The following COL6A1 variants were observed in gnomAD, a reference collection of about 807,000 sequenced individuals.
COL6A1 encodes the protein collagen type VI alpha 1 chain.
Under a neutral mutation model 145.6 loss-of-function variants are expected in COL6A1, and 80 were observed. The observed-to-expected ratio is 0.55, with a 90% CI of 0.46 to 0.66. COL6A1 has a LOEUF of 0.66. Ranked by LOEUF, COL6A1 falls within the 30% of genes least tolerant of loss-of-function variation. COL6A1 has a pLI of 0.00. For missense variants in COL6A1, 1,364 were observed against 1,473.8 expected (o/e 0.93, Z 1.22); for synonymous variants, 638 against 622.8 (o/e 1.02, Z -0.36).
chr21:45,990,504 AGGTGACCC>A, intron 13 of COL6A1, 82 bp downstream of exon 13: 1 of 677,536 alleles, frequency 1.5e-6, no homozygotes, highest in Non-Finnish European at 2.1e-6. Flanking sequence ...GACGGCGTGA[AGGTGACCC>A]GGGGAGGGAT....
chr21:46,000,182 G>C (rs1219736701), intron 27 of COL6A1, 149 bp from the exon 28 acceptor site: 27 of 851,808 alleles, frequency 3.2e-5, no homozygotes, highest in Non-Finnish European at 2.0e-6. Context: ...GGGTGTAGTG[G>C]GCAGAGCCGG....
At chr21:45,998,007 G>A (rs544652499) in intron 22 of COL6A1, 114 bp from the exon 23 acceptor site, 143 of 1,372,970 alleles carry the variant, frequency 1.0e-4, no homozygotes, top group Admixed American at 4.9e-4. Flanking sequence ...GGAGGGAGCC[G>A]GCTTCTGGGC....
At position 45,994,868 on chromosome 21, in the gene COL6A1, C is replaced by T. The variant is rs2077796250; in HGVS notation, c.1398+639C>T. On this transcript the variant is annotated intron_variant, in intron 20 of 34. Coordinates refer to ENST00000361866, the MANE Select transcript of COL6A1 (RefSeq NM_001848.3). This position sits in a 1 kb window ranked among gnomAD's most constrained non-coding sequence, Gnocchi z 6.8. ...ACCTGCCCCACGGGGACAGGAAGGCCTCCACACGGTCACGCCCGGAGACAG... is the reference window on the plus strand; with the variant it reads ...ACCTGCCCCACGGGGACAGGAAGGCTTCCACACGGTCACGCCCGGAGACAG... Among the ~76,000 whole-genome samples the T allele has an allele frequency of 6.6e-6, 1 of 152,136 alleles. No individual in the cohort carries two copies. Among genetic ancestry groups the T allele is most frequent in the Non-Finnish European group, 1.5e-5 (1 of 68,024 alleles).
intron 18 of COL6A1, 83 bp downstream of exon 18, chr21:45,992,481 C>A: frequency 6.6e-7 from 1 of 1,506,136 alleles, no homozygotes; most frequent in Non-Finnish European, 9.1e-7. Flanking sequence ...CTGGCCCTCC[C>A]AGCACTGAGA....
At chr21:45,986,065 C>T (rs1439481850) in intron 3 of COL6A1, among the ~76,000 whole-genome samples, 4 of 152,204 alleles carry the variant, frequency 2.6e-5, no homozygotes, top group Admixed American at 1.3e-4. Flanking sequence ...CTTTCCCTTT[C>T]GGGGGGTTGG....
Position 46,004,138 on chromosome 21 carries a change from C to G in COL6A1, c.*125C>G, listed in dbSNP as rs2077867108. 2 of 1,360,344 alleles carry G rather than the reference C, an allele frequency of 1.5e-6. No individual in the cohort carries two copies. The highest frequency in any genetic ancestry group is 1.0e-6 in the Non-Finnish European group (1 of 985,320). 84.3% of individuals were successfully genotyped at this position (1,360,344 alleles called of 1,614,324 possible). ...TCGCTAGATTTTTTTTAAGGAAAAG[C>G]TTGGAAAGCCAGGACACAACGCTGC... On this transcript the variant is annotated 3_prime_UTR_variant, in exon 35 of 35. Coordinates refer to ENST00000361866, the MANE Select transcript of COL6A1 (RefSeq NM_001848.3).
rs544114438 is a variant in COL6A1, at chr21:45,998,804, C to T, written c.1612-93C>T. 1.3e-5 allele frequency: 18 copies of T among 1,334,252 alleles called. No homozygotes were observed. In the South Asian group the frequency reaches 1.5e-4, roughly 11 times the overall value. 82.7% of individuals were successfully genotyped at this position (1,334,252 alleles called of 1,614,324 possible). Reference sequence around the variant, plus strand: ...GGTGGGGGAAGGGAAGAGAAGAGTGCCTCTCTTATCTTTATTTTTTTCCTT... The same window carrying T: ...GGTGGGGGAAGGGAAGAGAAGAGTGTCTCTCTTATCTTTATTTTTTTCCTT... On this transcript the variant is annotated intron_variant, in intron 24 of 34. Transcript: ENST00000361866.
At chr21:45,998,254 G>A (rs563859327) in intron 23 of COL6A1, 83 bp downstream of exon 23, 515 of 1,581,592 alleles carry the variant, frequency 3.3e-4, no homozygotes, top group Admixed American at 5.8e-4. Flanking sequence ...ACTCTTGGGT[G>A]GGCGGGCTGG....
In COL6A1 at chr21:45,981,982, C is replaced by G. The variant is rs749679008; in HGVS notation, c.97+35C>G. On this transcript the variant is annotated intron_variant, in intron 1 of 34. Coordinates refer to ENST00000361866, the MANE Select transcript of COL6A1 (RefSeq NM_001848.3). ...GGCTTGGGGTGCAGGCTCCAGACCC[C>G]CCGCTCTTTGCTGCCGGCCAGGGCC... The G allele has an allele frequency of 1.1e-5, 17 of 1,526,058 alleles. No individual in the cohort carries two copies. The Middle Eastern group carries it at 8.0e-4, about 72-fold the overall frequency. The allele number at this position is 1,526,058 out of a possible 1,614,324, so 94.5% of individuals were successfully genotyped here.
intron 2 of COL6A1, among the ~76,000 whole-genome samples, chr21:45,983,397 G>T (rs889086239): frequency 2.0e-5 from 3 of 151,962 alleles, no homozygotes; most frequent in Non-Finnish European, 2.9e-5. Context: ...GGCCGCTGAG[G>T]GGGGGGCATG....
At chr21:45,989,561 G>A (rs1221629324) in intron 9 of COL6A1, 47 bp from the exon 10 acceptor site, 2 of 1,595,456 alleles carry the variant, frequency 1.3e-6, no homozygotes, top group Non-Finnish European at 1.7e-6. Context: ...ACTGGCCCCT[G>A]CCCCTGCTCC....
intron 20 of COL6A1, among the ~76,000 whole-genome samples, chr21:45,995,096 G>A (rs759342842): frequency 2.0e-5 from 3 of 152,368 alleles, no homozygotes; most frequent in Middle Eastern, 3.4e-3. Flanking sequence ...TGTGCACGAG[G>A]TGAAATCGTG....
rs11329432 is a variant in COL6A1, at chr21:45,988,423, GC to G, written c.805-660del. Among the ~76,000 whole-genome samples, 7 of 98,186 alleles carry G rather than the reference GC, an allele frequency of 7.1e-5. 1 individual carries two copies. Among genetic ancestry groups the G allele is most frequent in the East Asian group, 5.6e-4 (2 of 3,540 alleles). The allele number at this position is 98,186 out of a possible 152,430, so 64.4% of individuals were successfully genotyped here. On this transcript the variant is annotated intron_variant, in intron 8 of 34. Transcript: ENST00000361866. Reference sequence around the variant, plus strand: ...GGGTCCAGATGGAGGGGACGTCGGGGCTCCAGATGGAGGGGACGGCGGGGTC... The same window carrying G: ...GGGTCCAGATGGAGGGGACGTCGGGGTCCAGATGGAGGGGACGGCGGGGTC...
In COL6A1 at chr21:46,003,846, G is replaced by A. The variant is rs751999785; in HGVS notation, c.2920G>A (p.Val974Met). 9 of 1,601,332 alleles carry A rather than the reference G, an allele frequency of 5.6e-6. No individual in the cohort carries two copies. The highest frequency in any genetic ancestry group is 4.0e-5 in the African/African-American group (3 of 74,654). Reference sequence around the variant, plus strand: ...AGGCATCGAGATCTTCGTGGTGGTCGTGGGCCGCCAGGTGAATGAGCCCCA... The same window carrying A: ...AGGCATCGAGATCTTCGTGGTGGTCATGGGCCGCCAGGTGAATGAGCCCCA... The part of the protein sequence containing the change: ...RAGIEIFVVV[V>M]GRQVNEPHIR... The change falls in exon 35 of 35, where the codon GTG (valine) becomes ATG (methionine). Residue 974 changes from valine to methionine, a missense_variant. Physicochemically the swap from Val to Met is conservative, Grantham distance 21. Transcript: ENST00000361866.
chr21:45,997,710 G>T lies in COL6A1; in HGVS notation c.1472G>T (p.Gly491Val). The T allele has an allele frequency of 6.3e-7, 1 of 1,592,006 alleles. No individual in the cohort carries two copies. The highest frequency in any genetic ancestry group is 2.3e-5 in the East Asian group (1 of 43,782). The part of the protein sequence containing the change: ...EGPPGSEGAR[G>V]APGPAGPPGD... ...CCTCTTCCTCCTCAGGGTGCCAGAG[G>T]AGCCCCAGGACCTGCCGGACCCCCT... The change falls in exon 22 of 35, where the codon GGA becomes GTA. Residue 491 changes from glycine (G) to valine (V), a missense_variant. Gly to Val is a moderately radical substitution (Grantham distance 109). Around this residue, in one of 3 missense-constraint regions of COL6A1, gnomAD observed 938 missense variants for 1,003.8 expected, o/e 0.93. Coordinates refer to ENST00000361866, the MANE Select transcript of COL6A1 (RefSeq NM_001848.3).
At chr21:45,987,354 C>A in intron 6 of COL6A1, 145 bp from the exon 7 acceptor site, 1 of 1,468,196 alleles carries the variant, frequency 6.8e-7, no homozygotes, top group Non-Finnish European at 9.4e-7. Flanking sequence ...ACCTGTGTGT[C>A]TGCCCATGTG....
chr21:45,984,590 G>T, intron 3 of COL6A1, 121 bp downstream of exon 3: 1 of 934,488 alleles, frequency 1.1e-6, no homozygotes, highest in South Asian at 1.4e-5. Flanking sequence ...CTTGGAGGCT[G>T]CACGGCCTCC....
chr21:46,001,130 C>A, intron 29 of COL6A1, 123 bp from the exon 30 acceptor site: 1 of 1,370,672 alleles, frequency 7.3e-7, no homozygotes, highest in Non-Finnish European at 1.0e-6. Flanking sequence ...GGGGCTGAGA[C>A]GGGGGGACCC....
Position 45,986,937 on chromosome 21 carries a change from C to A in COL6A1, c.589-7C>A. On this transcript the variant is annotated splice_region_variant and splice_polypyrimidine_tract_variant and intron_variant, in intron 4 of 34. Coordinates refer to ENST00000361866, the MANE Select transcript of COL6A1 (RefSeq NM_001848.3). Reference sequence around the variant, plus strand: ...CCTGCTCAGCCCACCCTGAACACTGCCCCCAGGAGCCGCGTCTGAGCATCA... The same window carrying A: ...CCTGCTCAGCCCACCCTGAACACTGACCCCAGGAGCCGCGTCTGAGCATCA... 1 of 1,546,014 alleles carries A rather than the reference C, an allele frequency of 6.5e-7. No homozygotes were observed. Among genetic ancestry groups the A allele is most frequent in the Non-Finnish European group, 8.7e-7 (1 of 1,149,796 alleles).
Sources: allele counts gnomAD v4.1 joint callset (sites outside exome capture counted in the v4.1 genomes callset), GRCh38; gene constraint gnomAD v4.1.1; regional missense constraint gnomAD v4.1.1; non-coding constraint Gnocchi (gnomAD v3.1); transcripts MANE v1.5; gene names NCBI Gene and HGNC (gene_info 2026-07-23, HGNC 2026-07-21).